The following LRCH3 variants were observed in gnomAD, a reference collection of about 807,000 sequenced individuals.
LRCH3 encodes DISP complex protein LRCH3.
A neutral mutation model predicts 104.5 loss-of-function variants in LRCH3; 68 were observed. The observed-to-expected ratio is 0.65, with a 90% CI of 0.54 to 0.80. The LOEUF is 0.80. Among genes scored for constraint, LRCH3 ranks in the 30% least tolerant of loss-of-function variants. The pLI, the probability that LRCH3 is intolerant of heterozygous loss-of-function variation, is 0.00. For missense variants in LRCH3, 951 were observed against 953.9 expected, an observed-to-expected ratio of 1.00 and a Z score of 0.04; for synonymous variants, 344 against 361.3, an observed-to-expected ratio of 0.95 and a Z score of 0.54.
At chr3:197,838,650 G>A (rs760659163) in intron 9 of LRCH3, among the ~76,000 whole-genome samples, 1 of 151,964 alleles carries the variant, frequency 6.6e-6, no homozygotes, top group African/African-American at 2.4e-5. Context: ...TTATTTTTCA[G>A]TGCGTGGTCT....
At chr3:197,828,575 G>C (rs1735512954) in intron 5 of LRCH3, among the ~76,000 whole-genome samples, 2 of 151,668 alleles carry the variant, frequency 1.3e-5, no homozygotes, top group African/African-American at 4.8e-5. Context: ...TCAATCTCCT[G>C]ACCTCATGAT....
rs781473043 is a variant in LRCH3, at chr3:197,866,232, G to C, written c.1873+13G>C. ...GAAACCAACAAAGGTAGGTGGTGGT[G>C]ATTTTAAAAGCCAGGAGCGAGGGGA... On this transcript the variant is annotated intron_variant, in intron 17 of 20. Coordinates refer to ENST00000425562, the MANE Select transcript of LRCH3 (RefSeq NM_001365715.1). The C allele has an allele frequency of 6.3e-7, 1 of 1,598,688 alleles. No homozygotes were observed. Among genetic ancestry groups the C allele is most frequent in the East Asian group, 2.2e-5 (1 of 44,814 alleles).
intron 14 of LRCH3, among the ~76,000 whole-genome samples, chr3:197,855,237 A>G (rs954655778): frequency 5.3e-5 from 8 of 152,318 alleles, no homozygotes; most frequent in Admixed American, 1.3e-4. Flanking sequence ...GTCTGTTCGC[A>G]TTGCTGTGTA....
At chr3:197,798,319 T>G (rs962974995) in intron 1 of LRCH3, among the ~76,000 whole-genome samples, 2 of 152,158 alleles carry the variant, frequency 1.3e-5, no homozygotes, top group African/African-American at 4.8e-5. Flanking sequence ...AATGATATTC[T>G]TAACGTTGTA....
chr3:197,791,245 T>C, upstream of LRCH3: 2 of 1,602,518 alleles, frequency 1.2e-6, no homozygotes, highest in Non-Finnish European at 1.7e-6. Context: ...GCGCATGCGC[T>C]GAGCTGGCGG....
At chr3:197,829,380 C>T (rs1227333673) in intron 5 of LRCH3, among the ~76,000 whole-genome samples, 184 bp from the exon 6 acceptor site, 1 of 152,024 alleles carries the variant, frequency 6.6e-6, no homozygotes, top group African/African-American at 2.4e-5. Flanking sequence ...ACATATTTAC[C>T]AGTTAAACAC....
At chr3:197,874,215 T>C (rs1357384128) in intron 19 of LRCH3, among the ~76,000 whole-genome samples, 1 of 151,856 alleles carries the variant, frequency 6.6e-6, no homozygotes, top group East Asian at 1.9e-4. Flanking sequence ...CAGCAGGAGG[T>C]GAACAGGCCA....
At position 197,883,556 on chromosome 3, in the gene LRCH3, C is replaced by CCTCT; in HGVS notation, c.2226_2229dup (p.His744SerfsTer55). The CCTCT allele has an allele frequency of 6.5e-7, 1 of 1,535,752 alleles. No individual in the cohort carries two copies. The highest frequency in any genetic ancestry group is 8.7e-7 in the Non-Finnish European group (1 of 1,146,766). ...TCCCTTTCAGGAGCAATTATGTTTG[C>CCTCT]CTCTCCACATTTTAGAAGAGAAAGG... On this transcript the variant is annotated frameshift_variant, in exon 21 of 21. Transcript: ENST00000425562. LOFTEE classifies it high-confidence loss of function. The surrounding 1 kb of genome is among the most constrained non-coding windows in gnomAD (Gnocchi z 4.2).
chr3:197,865,764 T>TG (rs1408831127), intron 16 of LRCH3, among the ~76,000 whole-genome samples: 6 of 142,852 alleles, frequency 4.2e-5, no homozygotes, highest in African/African-American at 1.7e-4. Context: ...TGGAAACCAC[T>TG]GGGTTTTTTT....
intron 18 of LRCH3, 118 bp from the exon 19 acceptor site, chr3:197,871,207 A>G: frequency 1.3e-6 from 1 of 788,860 alleles, no homozygotes; most frequent in Non-Finnish European, 2.1e-6. Flanking sequence ...TAAAATGGAT[A>G]TTGTGGTACT....
chr3:197,846,967 C>G (rs569155212), intron 10 of LRCH3, among the ~76,000 whole-genome samples: 1 of 151,780 alleles, frequency 6.6e-6, no homozygotes, highest in South Asian at 2.1e-4. Flanking sequence ...ATTGCTTCAT[C>G]GATTGAAAAT....
intron 20 of LRCH3, chr3:197,881,578 T>G: frequency 2.0e-6 from 2 of 985,454 alleles, no homozygotes; most frequent in Non-Finnish European, 2.4e-6. Flanking sequence ...GGAGAAGTAT[T>G]AGGGCAGCAG....
At chr3:197,866,280 G>A in intron 17 of LRCH3, 61 bp downstream of exon 17, 3 of 1,145,324 alleles carry the variant, frequency 2.6e-6, no homozygotes, top group Non-Finnish European at 4.0e-6. Flanking sequence ...GACGCTAGCT[G>A]TTAGATGGAT....
At chr3:197,837,307 C>G (rs1264142613) in intron 9 of LRCH3, among the ~76,000 whole-genome samples, 1 of 152,094 alleles carries the variant, frequency 6.6e-6, no homozygotes, top group East Asian at 1.9e-4. Flanking sequence ...TGGAGTATCT[C>G]TACTAAAAGT....
chr3:197,793,551 A>C (rs368958275), intron 1 of LRCH3, among the ~76,000 whole-genome samples: 2 of 152,202 alleles, frequency 1.3e-5, no homozygotes, highest in South Asian at 4.1e-4. Context: ...TGTCTAGCTC[A>C]TTTTCTCACC....
intron 6 of LRCH3, 49 bp downstream of exon 6, chr3:197,829,722 CAAATA>C (rs762757056): frequency 7.9e-7 from 1 of 1,271,916 alleles, no homozygotes; most frequent in Non-Finnish European, 1.1e-6. Flanking sequence ...TACAGAGAAT[CAAATA>C]AAATGGATAC....
chr3:197,848,043 G>A, intron 12 of LRCH3, 22 bp downstream of exon 12: 2 of 1,612,506 alleles, frequency 1.2e-6, no homozygotes, highest in Non-Finnish European at 1.7e-6. Flanking sequence ...GAATGATGCT[G>A]TTCAAGCTGC....
intron 15 of LRCH3, among the ~76,000 whole-genome samples, chr3:197,860,338 T>A (rs1229361120): frequency 6.6e-6 from 1 of 152,228 alleles, no homozygotes; most frequent in Non-Finnish European, 1.5e-5. Flanking sequence ...TGTTGTATTC[T>A]TTATTTTTTC....
At chr3:197,880,507 G>T in intron 20 of LRCH3, 1 of 1,534,742 alleles carries the variant, frequency 6.5e-7, no homozygotes, top group South Asian at 1.2e-5. Flanking sequence ...TTACACTTTG[G>T]ACAGGACAAT....
Sources: gnomAD v4.1 joint callset for allele counts (sites outside exome capture counted in the v4.1 genomes callset) on GRCh38, gnomAD v4.1.1 for gene constraint, Gnocchi (gnomAD v3.1) non-coding constraint, MANE v1.5 for transcripts, NCBI Gene and HGNC (gene_info 2026-07-23, HGNC 2026-07-21) for gene names.